Variants in NHSL2 observed in about 807,000 individuals in gnomAD.
NHSL2 encodes NHS-like protein 2.
Under a neutral mutation model 53.4 loss-of-function variants are expected in NHSL2, and 27 were observed. That is an observed-to-expected ratio of 0.51 (90% CI 0.37 to 0.70). NHSL2 has a LOEUF of 0.70. Ranked by LOEUF, NHSL2 falls within the 30% of genes least tolerant of loss-of-function variation. The pLI, the probability that NHSL2 is intolerant of heterozygous loss-of-function variation, is 0.00. For missense variants in NHSL2, 892 were observed against 980.1 expected, an observed-to-expected ratio of 0.91 and a Z score of 1.20; for synonymous variants, 408 against 404.1, an observed-to-expected ratio of 1.01 and a Z score of -0.12.
chrX:71,925,923 A>G (rs184148102), intron 1 of NHSL2, among the ~76,000 whole-genome samples: 12 of 111,817 alleles, frequency 1.1e-4, no homozygotes, highest in Admixed American at 1.9e-4. Context: ...AGGATCAGAA[A>G]AGAAATGTGT....
At chrX:72,010,668 G>T (rs1203742809) in intron 1 of NHSL2, among the ~76,000 whole-genome samples, 1 of 112,107 alleles carries the variant, frequency 8.9e-6, no homozygotes, top group Non-Finnish European at 1.9e-5. Flanking sequence ...TGTTTTAGGA[G>T]ACATATGGAT....
chrX:72,112,846 C>T (rs73624209), intron 1 of NHSL2, among the ~76,000 whole-genome samples: 1,408 of 111,031 alleles, frequency 0.013, 14 homozygotes, highest in Middle Eastern at 0.042. Context: ...CGCACCACCA[C>T]ATCCAGCTAA....
At chrX:71,942,829 C>T (rs180982403) in intron 1 of NHSL2, among the ~76,000 whole-genome samples, 3 of 111,255 alleles carry the variant, frequency 2.7e-5, no homozygotes, top group South Asian at 7.7e-4. Context: ...AGGATGTCTG[C>T]GTTGGGAATT....
chrX:72,130,231 T>C lies in NHSL2; in HGVS notation c.281-1848T>C, dbSNP rs781166664. 5.0e-6 allele frequency: 6 copies of C among 1,207,265 alleles called. No individual in the cohort carries two copies. The highest frequency in any genetic ancestry group is 1.8e-5 in the African/African-American group (1 of 56,408). On this transcript the variant is annotated intron_variant, in intron 1 of 7. Coordinates refer to ENST00000633930, the MANE Select transcript of NHSL2 (RefSeq NM_001013627.3). ...CTCAGTCCCTGGATCCTGCTGTGGC[T>C]CTCCTTCTGGTTTCTGGCCCCCATC...
At chrX:72,007,797 G>C (rs2042100699) in intron 1 of NHSL2, among the ~76,000 whole-genome samples, 2 of 113,331 alleles carry the variant, frequency 1.8e-5, no homozygotes, top group Non-Finnish European at 3.7e-5. Flanking sequence ...GAGCGGGCCA[G>C]GACCCAGAGG....
At chrX:72,071,268 C>T (rs1434039194) in intron 1 of NHSL2, among the ~76,000 whole-genome samples, 1 of 111,948 alleles carries the variant, frequency 8.9e-6, no homozygotes, top group Non-Finnish European at 1.9e-5. Context: ...TCTTCCAAGG[C>T]CACCATTAGG....
chrX:71,989,370 G>T (rs1173042615), intron 1 of NHSL2, among the ~76,000 whole-genome samples: 1 of 72,613 alleles, frequency 1.4e-5, no homozygotes, highest in Non-Finnish European at 2.8e-5. Context: ...AAAAAAAAAG[G>T]TGGAAGATGT....
intron 1 of NHSL2, among the ~76,000 whole-genome samples, chrX:71,960,918 A>T (rs1274293334): frequency 1.8e-5 from 2 of 111,931 alleles, no homozygotes; most frequent in African/African-American, 6.5e-5. Context: ...GCAAAAAGGG[A>T]TATTGGGATT....
intron 1 of NHSL2, among the ~76,000 whole-genome samples, chrX:72,055,326 G>A (rs2042363164): frequency 8.9e-6 from 1 of 112,098 alleles, no homozygotes; most frequent in South Asian, 3.6e-4. Flanking sequence ...ATGGGAACGC[G>A]AGCGCTAAAT....
At chrX:71,966,917 A>G (rs888257136) in intron 1 of NHSL2, among the ~76,000 whole-genome samples, 5 of 111,960 alleles carry the variant, frequency 4.5e-5, no homozygotes, top group African/African-American at 1.6e-4. Context: ...ACCCATCTGA[A>G]CTTGGTGCTT....
At chrX:71,959,633 T>G (rs2041858779) in intron 1 of NHSL2, among the ~76,000 whole-genome samples, 1 of 111,115 alleles carries the variant, frequency 9.0e-6, no homozygotes, top group South Asian at 3.8e-4. Flanking sequence ...CCTCTCTTAC[T>G]CCTCCACTCC....
intron 1 of NHSL2, among the ~76,000 whole-genome samples, chrX:72,105,287 T>C (rs891507568): frequency 1.3e-4 from 14 of 110,637 alleles, no homozygotes; most frequent in African/African-American, 4.0e-4. Flanking sequence ...GAATGGGGGA[T>C]CAAGCAGCTC....
intron 1 of NHSL2, among the ~76,000 whole-genome samples, chrX:72,068,681 A>T (rs889063516): frequency 5.6e-4 from 5 of 8,889 alleles, no homozygotes; most frequent in Non-Finnish European, 3.3e-3. Flanking sequence ...TGTGTGAGAG[A>T]GAGAGAGAGA....
chrX:72,131,238 A>C (rs1253000999), intron 1 of NHSL2: 1 of 1,202,706 alleles, frequency 8.3e-7, no homozygotes, highest in Admixed American at 2.2e-5. Flanking sequence ...TCAAAAGATC[A>C]TCCGAGATAC....
chrX:71,930,672 C>T (rs192903249), intron 1 of NHSL2, among the ~76,000 whole-genome samples: 66 of 112,328 alleles, frequency 5.9e-4, no homozygotes, highest in Admixed American at 5.6e-3. Context: ...GCTTCTTTCA[C>T]TTAGCATGTT....
chrX:72,078,525 C>T (rs1166606163), intron 1 of NHSL2, among the ~76,000 whole-genome samples: 1 of 111,633 alleles, frequency 9.0e-6, no homozygotes, highest in African/African-American at 3.3e-5. Flanking sequence ...TCTGCCTCTC[C>T]CTCCAGCTAC....
chrX:71,935,460 A>G (rs2041733597), intron 1 of NHSL2, among the ~76,000 whole-genome samples: 1 of 112,960 alleles, frequency 8.9e-6, no homozygotes. Flanking sequence ...GTTAAGTGCA[A>G]TTGCTAACTA....
intron 1 of NHSL2, among the ~76,000 whole-genome samples, chrX:72,095,317 A>G (rs1016468995): frequency 5.3e-5 from 6 of 112,527 alleles, no homozygotes; most frequent in Non-Finnish European, 9.4e-5. Flanking sequence ...TTTGTTATGT[A>G]AAAGAAATCT....
At position 72,139,442 on chromosome X, in the gene NHSL2, A is replaced by T. The variant is rs1376733074; in HGVS notation, c.1894A>T (p.Thr632Ser). The T allele has an allele frequency of 8.3e-7, 1 of 1,208,818 alleles. No individual in the cohort carries two copies. Among genetic ancestry groups the T allele is most frequent in the African/African-American group, 1.8e-5 (1 of 56,946 alleles). ...AIPNHKDPES[T>S]QFSHHWYLTD... ...TCCAAACCACAAAGATCCAGAAAGTACACAATTCTCCCACCACTGGTATCT... is the reference window on the plus strand; with the variant it reads ...TCCAAACCACAAAGATCCAGAAAGTTCACAATTCTCCCACCACTGGTATCT... The change falls in exon 6 of 8, where the codon ACA (threonine) becomes TCA (serine). Residue 632 changes from threonine (T) to serine (S), a missense_variant. Thr to Ser is a moderately conservative substitution (Grantham distance 58). Transcript: ENST00000633930.
Sources: allele counts gnomAD v4.1 joint callset (sites outside exome capture counted in the v4.1 genomes callset), GRCh38; gene constraint gnomAD v4.1.1; transcripts MANE v1.5; gene names NCBI Gene and HGNC (gene_info 2026-07-23, HGNC 2026-07-21).